DYRK1A: variants seen among roughly 807,000 people sequenced by gnomAD.
DYRK1A encodes the protein dual specificity tyrosine phosphorylation regulated kinase 1A.
A neutral mutation model predicts 79.7 loss-of-function variants in DYRK1A; 9 were observed. The ratio of observed to expected loss-of-function variants is 0.11; its 90% CI spans 0.07 to 0.20. The LOEUF (loss-of-function observed/expected upper bound fraction) is 0.20. DYRK1A is among the 10% of genes least tolerant of loss of function. The pLI is 1.00. For missense variants in DYRK1A, 622 were observed against 956.0 expected, an observed-to-expected ratio of 0.65 and a Z score of 4.61; for synonymous variants, 349 against 329.7, an observed-to-expected ratio of 1.06 and a Z score of -0.63.
At chr21:37,404,180 A>G (rs1427778723) in intron 1 of DYRK1A, among the ~76,000 whole-genome samples, 1 of 152,182 alleles carries the variant, frequency 6.6e-6, no homozygotes, top group Non-Finnish European at 1.5e-5. Context: ...AACAAATATA[A>G]ATTGATGTAA....
rs2053886689 is a variant in DYRK1A at position 37,516,920 on chromosome 21, C to G, written c.*4389C>G. On this transcript the variant is annotated 3_prime_UTR_variant, in exon 12 of 12. Coordinates refer to ENST00000647188, the MANE Select transcript of DYRK1A (RefSeq NM_001347721.2). The stretch of plus-strand genomic sequence containing the variant: ...CACAACTAGAATGCTACAGGTCTCT[C>G]TTCCAGTATGCAGCTGCTGTACCTG... The G allele has an allele frequency of 6.6e-6, 1 of 152,214 alleles. No individual in the cohort carries two copies. Among genetic ancestry groups the G allele is most frequent in the East Asian group, 1.9e-4 (1 of 5,202 alleles). 9.4% of individuals were successfully genotyped at this position (152,214 alleles called of 1,614,324 possible). A position where few individuals can be genotyped will look rare whatever the true frequency, so the allele number is the denominator to read the frequency against.
chr21:37,478,862 A>G (rs1262439982), intron 4 of DYRK1A, among the ~76,000 whole-genome samples: 1 of 152,048 alleles, frequency 6.6e-6, no homozygotes, highest in East Asian at 1.9e-4. Context: ...TTTTGTTGTA[A>G]GTAAATAAGA....
chr21:37,372,898 C>T (rs1164895048), intron 1 of DYRK1A, among the ~76,000 whole-genome samples: 2 of 152,244 alleles, frequency 1.3e-5, no homozygotes, highest in East Asian at 3.9e-4. Flanking sequence ...TTTTTCTTTG[C>T]AACCCTTACT....
intron 9 of DYRK1A, among the ~76,000 whole-genome samples, chr21:37,497,868 A>G (rs952321574): frequency 2.6e-5 from 4 of 152,332 alleles, no homozygotes; most frequent in East Asian, 1.9e-4. Flanking sequence ...TGAATTAACT[A>G]GATTTTTATG....
intron 9 of DYRK1A, chr21:37,502,673 A>G (rs528506806): frequency 2.6e-5 from 4 of 152,296 alleles, no homozygotes; most frequent in African/African-American, 9.6e-5. Flanking sequence ...TTTTATATTT[A>G]TCCTTATATT....
At position 37,518,225 on chromosome 21, in the gene DYRK1A, A is replaced by T. The variant is rs953262821; in HGVS notation, c.*5694A>T. ...AATGCAGTGAAATAGCATGAGAAAG[A>T]GCGTTTTTATGTACATCACAGACAA... On this transcript the variant is annotated 3_prime_UTR_variant, in exon 12 of 12. Coordinates refer to ENST00000647188, the MANE Select transcript of DYRK1A (RefSeq NM_001347721.2). 6.6e-6 allele frequency: 1 copy of T among 152,206 alleles called. No homozygotes were observed. Among genetic ancestry groups the T allele is most frequent in the Non-Finnish European group, 1.5e-5 (1 of 68,048 alleles). The allele number at this position is 152,206 out of a possible 1,614,324, so 9.4% of individuals were successfully genotyped here.
In DYRK1A at chr21:37,517,699, G is replaced by C. The variant is rs1359384685; in HGVS notation, c.*5168G>C. 6.6e-6 allele frequency: 1 copy of C among 152,198 alleles called. No individual in the cohort carries two copies. The highest frequency in any genetic ancestry group is 1.9e-4 in the East Asian group (1 of 5,166). 9.4% of individuals were successfully genotyped at this position (152,198 alleles called of 1,614,324 possible). On this transcript the variant is annotated 3_prime_UTR_variant, in exon 12 of 12. Coordinates refer to ENST00000647188, the MANE Select transcript of DYRK1A (RefSeq NM_001347721.2). ...AACACCCAGGCAAGAGGACGGGCCT[G>C]AGCCTGAGTGTGGCCAGCAGAAAGT... is the stretch of plus-strand genomic sequence containing the variant.
At position 37,478,083 on chromosome 21, in the gene DYRK1A, A is replaced by G; in HGVS notation, c.208-125A>G. The G allele has an allele frequency of 1.1e-5, 14 of 1,268,436 alleles. 1 individual carries two copies. The South Asian group carries it at 2.1e-4, about 19-fold the overall frequency. The allele number at this position is 1,268,436 out of a possible 1,614,324, so 78.6% of individuals were successfully genotyped here. A position where few individuals can be genotyped will look rare whatever the true frequency, so the allele number is the denominator to read the frequency against. On this transcript the variant is annotated intron_variant, in intron 3 of 11. Transcript: ENST00000647188. Reference sequence around the variant, plus strand: ...TTTGAGAGAGAATGTATAATCATCTAATGTGTAGCTGTCTTTAAAAAAGTA... The same window carrying G: ...TTTGAGAGAGAATGTATAATCATCTGATGTGTAGCTGTCTTTAAAAAAGTA...
intron 2 of DYRK1A, among the ~76,000 whole-genome samples, chr21:37,432,881 C>T (rs1484937626): frequency 6.6e-6 from 1 of 150,892 alleles, no homozygotes; most frequent in African/African-American, 2.4e-5. Context: ...GAGGCTGAGG[C>T]AGGAGAATAG....
chr21:37,419,020 G>T (rs2050412489), intron 1 of DYRK1A: 1 of 152,124 alleles, frequency 6.6e-6, no homozygotes, highest in Non-Finnish European at 1.5e-5. Context: ...AGTATAAGGA[G>T]AAATAAATGA....
At chr21:37,489,218 A>G (rs1016028742) in intron 6 of DYRK1A, among the ~76,000 whole-genome samples, 6 of 152,158 alleles carry the variant, frequency 3.9e-5, no homozygotes, top group African/African-American at 7.2e-5. Context: ...TTGTAATACT[A>G]TAAGATAAAA....
At chr21:37,437,777 C>T (rs1225888996) in intron 2 of DYRK1A, among the ~76,000 whole-genome samples, 1 of 152,046 alleles carries the variant, frequency 6.6e-6, no homozygotes, top group Non-Finnish European at 1.5e-5. Context: ...GGGTTGTTTC[C>T]AGTTTTTGTC....
Position 37,511,974 on chromosome 21 carries a change from G to A in DYRK1A, c.1708G>A (p.Val570Ile), listed in dbSNP as rs935909096. The A allele has an allele frequency of 6.2e-7, 1 of 1,614,130 alleles. No homozygotes were observed. The highest frequency in any genetic ancestry group is 8.5e-7 in the Non-Finnish European group (1 of 1,180,024). Residue 570 changes from valine (V) to isoleucine (I), a missense_variant, in exon 12 of 12, where the codon GTT (valine) becomes ATT (isoleucine). Coordinates refer to ENST00000647188, the MANE Select transcript of DYRK1A (RefSeq NM_001347721.2). ...CACTGAAGCTCCTACACAGGTCACT[G>A]TTGAAACTCATCCTGTTCAAGAAAC... is the stretch of plus-strand genomic sequence containing the variant. ...SGTEAPTQVT[V>I]ETHPVQETTF...
At chr21:37,436,722 CA>C (rs1268916233) in intron 2 of DYRK1A, among the ~76,000 whole-genome samples, 3 of 152,076 alleles carry the variant, frequency 2.0e-5, no homozygotes, top group Middle Eastern at 3.4e-3. Flanking sequence ...GAATGAAAAC[CA>C]ACATTAAACC....
At chr21:37,420,456 G>C in intron 2 of DYRK1A, 72 bp downstream of exon 2, 1 of 1,511,364 alleles carries the variant, frequency 6.6e-7, no homozygotes. Context: ...ATTTTGAATG[G>C]GGGAGGTTTC....
At chr21:37,410,679 C>G (rs560513013) in intron 1 of DYRK1A, 2 of 152,356 alleles carry the variant, frequency 1.3e-5, no homozygotes, top group African/African-American at 4.8e-5. Flanking sequence ...AGGTAAGTGC[C>G]ACCATACTCG....
In DYRK1A at chr21:37,512,856, G is replaced by A. The variant is rs2053795227; in HGVS notation, c.*325G>A. The A allele has an allele frequency of 7.6e-6, 2 of 262,882 alleles. No homozygotes were observed. The highest frequency in any genetic ancestry group is 9.6e-5 in the Admixed American group (2 of 20,910). The allele number at this position is 262,882 out of a possible 1,614,324, so 16.3% of individuals were successfully genotyped here. A position where few individuals can be genotyped will look rare whatever the true frequency, so the allele number is the denominator to read the frequency against. The stretch of plus-strand genomic sequence containing the variant: ...AGTTAATATTCAGATGTTGGTCTTG[G>A]TCATTTGCCAACTAATTTTAAAGTA... On this transcript the variant is annotated 3_prime_UTR_variant, in exon 12 of 12. Coordinates refer to ENST00000647188, the MANE Select transcript of DYRK1A (RefSeq NM_001347721.2).
At chr21:37,365,797 G>T, upstream of DYRK1A, 1 of 152,652 alleles carries the variant, frequency 6.6e-6, no homozygotes. Context: ...TTCATCTAAA[G>T]GGCATTCCGA....
chr21:37,375,519 C>CTTTTTTTTTTTTTTTTT (rs58948987), intron 1 of DYRK1A, among the ~76,000 whole-genome samples: 1 of 81,458 alleles, frequency 1.2e-5, no homozygotes, highest in African/African-American at 4.5e-5. Flanking sequence ...AGGAATATTA[C>CTTTTTTTTTTTTTTTTT]TTTTTTTTTT....
Sources: allele counts gnomAD v4.1 joint callset (sites outside exome capture counted in the v4.1 genomes callset), GRCh38; gene constraint gnomAD v4.1.1; transcripts MANE v1.5; gene names NCBI Gene and HGNC (gene_info 2026-07-23, HGNC 2026-07-21).